The following METTL16 variants were observed in gnomAD, a reference collection of about 807,000 sequenced individuals.
METTL16 encodes the protein RNA N(6)-adenosine-methyltransferase METTL16.
In METTL16, 19 loss-of-function variants were observed where a neutral mutation model predicts 57.9. That is an observed-to-expected ratio of 0.33 (90% confidence interval 0.23 to 0.48). METTL16 has a LOEUF of 0.48. METTL16 is among the 20% of genes least tolerant of loss of function. The pLI, the probability that METTL16 is intolerant of heterozygous loss-of-function variation, is 0.99. For missense variants in METTL16, 434 were observed against 691.5 expected, an observed-to-expected ratio of 0.63 and a Z score of 4.18; for synonymous variants, 246 against 255.6, an observed-to-expected ratio of 0.96 and a Z score of 0.36.
chr17:2,493,742 A>T (rs1249831571), intron 2 of METTL16, among the ~76,000 whole-genome samples: 1 of 150,028 alleles, frequency 6.7e-6, no homozygotes, highest in Non-Finnish European at 1.5e-5. Flanking sequence ...AAACCATTGT[A>T]AAAATGAAGA....
At chr17:2,425,567 G>A (rs1461935533) in intron 8 of METTL16, among the ~76,000 whole-genome samples, 2 of 152,142 alleles carry the variant, frequency 1.3e-5, no homozygotes, top group African/African-American at 4.8e-5. Context: ...GGAACTGCAA[G>A]CGTTAAAAAC....
At chr17:2,477,943 G>A (rs144350127) in intron 2 of METTL16, 58 bp from the exon 3 acceptor site, 40 of 1,463,916 alleles carry the variant, frequency 2.7e-5, no homozygotes, top group Middle Eastern at 3.6e-4. Context: ...TGTTGTACAA[G>A]CTCTACGGCA....
At chr17:2,490,419 T>A (rs1358594451) in intron 2 of METTL16, among the ~76,000 whole-genome samples, 4 of 152,290 alleles carry the variant, frequency 2.6e-5, no homozygotes, top group Non-Finnish European at 4.4e-5. Context: ...AATGATTGTA[T>A]GTAACTACAA....
At position 2,420,329 on chromosome 17, in the gene METTL16, C is replaced by T. The variant is rs1449624331; in HGVS notation, c.1330G>A (p.Val444Met). 2 of 1,611,792 alleles carry T rather than the reference C, an allele frequency of 1.2e-6. No homozygotes were observed. The highest frequency in any genetic ancestry group is 8.5e-7 in the Non-Finnish European group (1 of 1,180,020). The change falls in exon 10 of 10, where the codon GTG (valine) becomes ATG (methionine). Residue 444 changes from valine (V) to methionine (M), a missense_variant. Physicochemically the swap from Val to Met is conservative, Grantham distance 21 (BLOSUM62 1). Transcript: ENST00000263092. The surrounding 1 kb of genome is among the most constrained non-coding windows in gnomAD (Gnocchi z 5.4). The part of the protein sequence containing the change: ...PALREGEAAA[V>M]EGPCPSQESL... ...TCCTGGCTCGGGCACGGGCCCTCCA[C>T]AGCGGCAGCCTCGCCTTCCCGCAGA...
At chr17:2,440,970 CAAAA>C (rs760521188) in intron 7 of METTL16, among the ~76,000 whole-genome samples, 5 of 34,044 alleles carry the variant, frequency 1.5e-4, no homozygotes, top group Non-Finnish European at 3.1e-4. Flanking sequence ...GACTTGATCT[CAAAA>C]AAAAAAAAAA....
chr17:2,474,386 G>GAAAAAAAAAGAAAAAAAAAAAA (rs2067255495), intron 3 of METTL16, among the ~76,000 whole-genome samples: 1 of 60,236 alleles, frequency 1.7e-5, no homozygotes. Flanking sequence ...GAAACAAAAA[G>GAAAAAAAAAGAAAAAAAAAAAA]AAAAAAAAAA....
At chr17:2,467,938 G>A (rs1010954886) in intron 4 of METTL16, 62 bp from the exon 5 acceptor site, 62 of 1,102,370 alleles carry the variant, frequency 5.6e-5, no homozygotes, top group East Asian at 4.3e-4. Flanking sequence ...AAGTATAACC[G>A]CGCACTGCGT....
chr17:2,478,721 C>T (rs955332986), intron 2 of METTL16, among the ~76,000 whole-genome samples: 1 of 152,204 alleles, frequency 6.6e-6, no homozygotes, highest in African/African-American at 2.4e-5. Flanking sequence ...CTGGACACTT[C>T]AAGTAACTGA....
At chr17:2,507,570 C>G (rs2067554172) in intron 1 of METTL16, among the ~76,000 whole-genome samples, 1 of 151,930 alleles carries the variant, frequency 6.6e-6, no homozygotes, top group Non-Finnish European at 1.5e-5. Flanking sequence ...TGCCCGGCCG[C>G]CCCTACTGGG....
intron 2 of METTL16, among the ~76,000 whole-genome samples, chr17:2,496,130 A>G (rs1468679881): frequency 6.6e-6 from 1 of 151,486 alleles, no homozygotes; most frequent in Non-Finnish European, 1.5e-5. Flanking sequence ...ATGCACACAC[A>G]CACACACAAA....
chr17:2,463,966 C>T (rs754206010), intron 6 of METTL16, among the ~76,000 whole-genome samples: 1 of 151,756 alleles, frequency 6.6e-6, no homozygotes, highest in Non-Finnish European at 1.5e-5. Context: ...CTTGTCTCTA[C>T]TAGAAATACA....
rs1303044166 is a variant in METTL16 at position 2,441,557 on chromosome 17, C to A, written c.731G>T (p.Trp244Leu). Reference protein sequence around the residue: ...DSLQLKKRLRWYSCMLGKKCS... With the variant: ...DSLQLKKRLRLYSCMLGKKCS... Reference sequence around the variant, plus strand: ...TTTCTTTCCCAGCATGCAGCTATACCATCTAGGAAAAAAAAAATCAGACAA... The same window carrying A: ...TTTCTTTCCCAGCATGCAGCTATACAATCTAGGAAAAAAAAAATCAGACAA... The change falls in exon 7 of 10, where the codon TGG becomes TTG. Residue 244 changes from tryptophan (W) to leucine (L), a missense_variant and splice_region_variant. Transcript: ENST00000263092. 4 of 1,558,862 alleles carry A rather than the reference C, an allele frequency of 2.6e-6. No homozygotes were observed. Among genetic ancestry groups the A allele is most frequent in the Admixed American group, 2.0e-5 (1 of 51,088 alleles).
intron 6 of METTL16, among the ~76,000 whole-genome samples, chr17:2,443,009 A>C (rs941980800): frequency 1.3e-5 from 2 of 148,484 alleles, no homozygotes; most frequent in Non-Finnish European, 3.0e-5. Flanking sequence ...TTTGTTTTTG[A>C]GACAGAGTAC....
intron 8 of METTL16, chr17:2,424,219 T>C (rs1222534363): frequency 6.7e-6 from 1 of 150,072 alleles, no homozygotes; most frequent in East Asian, 1.9e-4. Context: ...GTTCACGCCA[T>C]TCTCCTGCCT....
chr17:2,421,288 C>CA (rs1255504882), intron 8 of METTL16, among the ~76,000 whole-genome samples: 2 of 152,142 alleles, frequency 1.3e-5, no homozygotes, highest in Non-Finnish European at 2.9e-5. Flanking sequence ...CCAAGACTTC[C>CA]AGGCTGCAGG....
intron 2 of METTL16, among the ~76,000 whole-genome samples, chr17:2,497,225 C>T (rs1047116855): frequency 6.7e-6 from 1 of 149,836 alleles, no homozygotes; most frequent in Non-Finnish European, 1.5e-5. Context: ...AGACTGGTCT[C>T]GAACTCCTGA....
At chr17:2,485,337 T>C (rs2067333509) in intron 2 of METTL16, among the ~76,000 whole-genome samples, 2 of 152,196 alleles carry the variant, frequency 1.3e-5, no homozygotes, top group Middle Eastern at 3.4e-3. Context: ...CTATGGTGAG[T>C]TGTATAATTA....
intron 2 of METTL16, among the ~76,000 whole-genome samples, chr17:2,488,602 A>T (rs936787293): frequency 2.6e-5 from 4 of 152,112 alleles, no homozygotes; most frequent in Non-Finnish European, 4.4e-5. Flanking sequence ...AAAAAAGGAA[A>T]TCCTGTCACG....
Position 2,431,636 on chromosome 17 carries a change from G to T in METTL16, c.888+6473C>A, listed in dbSNP as rs373628155. On this transcript the variant is annotated intron_variant, in intron 8 of 9. Transcript: ENST00000263092. ...TCTGCATCCTTGCCAACGCTGGATG[G>T]TCTATCCAGTATGCCATTATGCTTT... Among the ~76,000 whole-genome samples the T allele has an allele frequency of 3.3e-5, 5 of 152,002 alleles. No homozygotes were observed. In the South Asian group the frequency reaches 1.0e-3, roughly 32 times the overall value.
Sources: allele counts gnomAD v4.1 joint callset (sites outside exome capture counted in the v4.1 genomes callset), GRCh38; gene constraint gnomAD v4.1.1; non-coding constraint Gnocchi (gnomAD v3.1); transcripts MANE v1.5; gene names NCBI Gene and HGNC (gene_info 2026-07-23, HGNC 2026-07-21).